The following SRP72 variants were observed in gnomAD, a reference collection of about 807,000 sequenced individuals.
SRP72 encodes the protein signal recognition particle subunit SRP72.
A neutral mutation model predicts 96.3 loss-of-function variants in SRP72; 49 were observed. The ratio of observed to expected loss-of-function variants is 0.51; its 90% CI spans 0.40 to 0.65. SRP72 has a LOEUF of 0.65. SRP72 is among the 30% of genes least tolerant of loss of function. The probability of loss-of-function intolerance (pLI) is 0.00; values close to 1 mark genes in which losing one functional copy is unlikely to be tolerated. For missense variants in SRP72, 736 were observed against 793.3 expected (o/e 0.93, Z 0.87); for synonymous variants, 267 against 275.2 (o/e 0.97, Z 0.30).
intron 17 of SRP72, 24 bp downstream of exon 17, chr4:56,495,418 TA>T: frequency 7.0e-7 from 1 of 1,435,262 alleles, no homozygotes; most frequent in Non-Finnish European, 9.6e-7. Flanking sequence ...AAAGTCTTTA[TA>T]AATTTTCTCC....
intron 8 of SRP72, among the ~76,000 whole-genome samples, chr4:56,480,041 C>G (rs1271902270): frequency 6.6e-6 from 1 of 152,144 alleles, no homozygotes; most frequent in Non-Finnish European, 1.5e-5. Context: ...TAGTTTCTGA[C>G]TTCAAAGCTT....
chr4:56,496,048 G>T (rs1436002419), intron 17 of SRP72, among the ~76,000 whole-genome samples: 1 of 152,154 alleles, frequency 6.6e-6, no homozygotes, highest in Non-Finnish European at 1.5e-5. Flanking sequence ...TCAGTGTCCA[G>T]CCTTGAATTA....
At chr4:56,484,701 G>T (rs1560682395) in intron 9 of SRP72, 35 bp from the exon 10 acceptor site, 1 of 1,610,196 alleles carries the variant, frequency 6.2e-7, no homozygotes, top group Non-Finnish European at 8.5e-7. Flanking sequence ...TCATTAACCA[G>T]TTTATTTTTC....
At position 56,500,648 on chromosome 4, in the gene SRP72, G is replaced by T; in HGVS notation, c.1791G>T (p.Gln597His). The change falls in exon 18 of 19, where the codon CAG becomes CAT. Residue 597 changes from glutamine to histidine, a missense_variant. This residue lies in a region of SRP72 where 388 missense variants were observed against 431.8 expected (regional missense o/e 0.90). Coordinates refer to ENST00000642900, the MANE Select transcript of SRP72 (RefSeq NM_006947.4). ...RGRKKGKKKD[Q>H]IGKGTQGATA... ...GAAAGAAGGGTAAAAAGAAGGATCA[G>T]ATTGGAAAAGGGACCCAGGGAGCAA... 6.2e-7 allele frequency: 1 copy of T among 1,613,928 alleles called. No individual in the cohort carries two copies.
chr4:56,485,345 A>G (rs922542200), intron 10 of SRP72, among the ~76,000 whole-genome samples: 10 of 151,482 alleles, frequency 6.6e-5, no homozygotes, highest in Non-Finnish European at 1.2e-4. Context: ...CTGACAGACA[A>G]AATTGCCTAA....
At chr4:56,472,312 G>GT (rs1483145134) in intron 3 of SRP72, among the ~76,000 whole-genome samples, 1 of 147,236 alleles carries the variant, frequency 6.8e-6, no homozygotes, top group Admixed American at 6.8e-5. Context: ...ACAGAAATGT[G>GT]TATCTTACAG....
At chr4:56,468,304 C>T (rs1031901060) in intron 1 of SRP72, among the ~76,000 whole-genome samples, 1 of 152,160 alleles carries the variant, frequency 6.6e-6, no homozygotes, top group Non-Finnish European at 1.5e-5. Flanking sequence ...TAGATGAGAT[C>T]TCTTCAGTGT....
chr4:56,478,610 A>T lies in SRP72; in HGVS notation c.786A>T (p.Leu262Phe). ...IIKLKPTDVG[L>F]LAVIANNIIT... The stretch of plus-strand genomic sequence containing the variant: ...TTCACAGACCAACAGATGTGGGATT[A>T]CTAGCTGTAATTGCAAATAACATCA... The change falls in exon 8 of 19, where the codon TTA becomes TTT. Residue 262 changes from leucine (L) to phenylalanine (F), a missense_variant. Leu to Phe is a conservative substitution (Grantham distance 22). Coordinates refer to ENST00000642900, the MANE Select transcript of SRP72 (RefSeq NM_006947.4). The T allele has an allele frequency of 6.2e-7, 1 of 1,614,042 alleles. No homozygotes were observed. The highest frequency in any genetic ancestry group is 8.5e-7 in the Non-Finnish European group (1 of 1,179,972).
rs760960779 is a variant in SRP72 at position 56,467,658 on chromosome 4, G to A, written c.23G>A (p.Gly8Glu). ...AAGATGGCGAGCGGCGGCAGCGGGG[G>A]GGTGTCAGTACCTGCGCTGTGGAGT... is the stretch of plus-strand genomic sequence containing the variant. MASGGSGGVSVPALWSEV... is the reference protein window; with the variant it reads MASGGSGEVSVPALWSEV... The change falls in exon 1 of 19, where the codon GGG becomes GAG. Residue 8 changes from glycine to glutamate, a missense_variant. Transcript: ENST00000642900. The A allele has an allele frequency of 4.6e-5, 72 of 1,559,726 alleles. 2 individuals are homozygous for A. In the South Asian group the frequency reaches 7.6e-4, roughly 16 times the overall value.
At chr4:56,497,588 T>C (rs1721121154) in intron 17 of SRP72, among the ~76,000 whole-genome samples, 1 of 152,276 alleles carries the variant, frequency 6.6e-6, no homozygotes, top group Admixed American at 6.5e-5. Flanking sequence ...ATCATCTTCA[T>C]TGATAGATAT....
chr4:56,490,311 T>A, intron 13 of SRP72, 22 bp from the exon 14 acceptor site: 1 of 1,596,964 alleles, frequency 6.3e-7, no homozygotes, highest in South Asian at 1.1e-5. Flanking sequence ...AAACTTTTTT[T>A]TTCTTTTTAT....
At chr4:56,497,336 C>G (rs1270940214) in intron 17 of SRP72, among the ~76,000 whole-genome samples, 1 of 151,576 alleles carries the variant, frequency 6.6e-6, no homozygotes, top group East Asian at 2.0e-4. Context: ...TCTCCTGCCT[C>G]AGCCTCCCAA....
chr4:56,489,564 C>A, intron 13 of SRP72, 81 bp downstream of exon 13: 1 of 724,430 alleles, frequency 1.4e-6, no homozygotes, highest in Non-Finnish European at 2.3e-6. Context: ...TTCAGGCAAA[C>A]AAGTATTACA....
At position 56,473,977 on chromosome 4, in the gene SRP72, C is replaced by T. The variant is rs1185855263; in HGVS notation, c.355-77C>T. 1.2e-5 allele frequency: 17 copies of T among 1,451,526 alleles called. No homozygotes were observed. The East Asian group carries it at 3.0e-4, about 26-fold the overall frequency. The allele number at this position is 1,451,526 out of a possible 1,614,324, so 89.9% of individuals were successfully genotyped here. A position where few individuals can be genotyped will look rare whatever the true frequency, so the allele number is the denominator to read the frequency against. ...GAACTAGGATTCCTACTTAGTGGTT[C>T]CAAAAAAGGTTTGCATGATATTAAA... is the stretch of plus-strand genomic sequence containing the variant. On this transcript the variant is annotated intron_variant, in intron 3 of 18. Transcript: ENST00000642900.
chr4:56,497,656 C>T, intron 17 of SRP72, among the ~76,000 whole-genome samples: 1 of 151,824 alleles, frequency 6.6e-6, no homozygotes, highest in African/African-American at 2.4e-5. Context: ...CCCTATCCAT[C>T]TTTAAAAAAA....
chr4:56,476,359 G>A (rs2110115665), intron 5 of SRP72: 1 of 355,270 alleles, frequency 2.8e-6, no homozygotes, highest in Non-Finnish European at 5.0e-6. Flanking sequence ...TGGTAGGATT[G>A]TTTATTTTTA....
intron 17 of SRP72, 132 bp from the exon 18 acceptor site, chr4:56,500,404 C>A (rs1721222966): frequency 2.0e-6 from 2 of 1,019,710 alleles, no homozygotes; most frequent in African/African-American, 1.6e-5. Context: ...CTAGATTATA[C>A]AAACTAAACT....
intron 11 of SRP72, 111 bp from the exon 12 acceptor site, chr4:56,487,838 G>A (rs1720772379): frequency 1.3e-6 from 1 of 757,460 alleles, no homozygotes; most frequent in African/African-American, 1.8e-5. Context: ...CAAAACATGA[G>A]TTATGGTTGC....
intron 17 of SRP72, 25 bp downstream of exon 17, chr4:56,495,419 A>AT: frequency 7.0e-7 from 1 of 1,428,632 alleles, no homozygotes; most frequent in Non-Finnish European, 9.7e-7. Flanking sequence ...AAGTCTTTAT[A>AT]AATTTTCTCC....
Sources: gnomAD v4.1 joint callset for allele counts (sites outside exome capture counted in the v4.1 genomes callset) on GRCh38, gnomAD v4.1.1 for gene constraint, gnomAD v4.1.1 regional missense constraint, MANE v1.5 for transcripts, NCBI Gene and HGNC (gene_info 2026-07-23, HGNC 2026-07-21) for gene names.